Variants in TASP1 observed in about 807,000 individuals in gnomAD.
The protein encoded by TASP1 is taspase 1.
TASP1 carries 16 observed loss-of-function variants against 56.6 expected under a neutral mutation model. The ratio of observed to expected loss-of-function variants is 0.28; its 90% CI spans 0.19 to 0.43. The LOEUF (loss-of-function observed/expected upper bound fraction) is 0.43, where lower values mean the gene tolerates loss of function less well. Among genes scored for constraint, TASP1 ranks in the 20% least tolerant of loss-of-function variants. TASP1 has a pLI of 1.00. For missense variants in TASP1, 393 were observed against 511.6 expected (o/e 0.77, Z 2.24); for synonymous variants, 179 against 184.2 (o/e 0.97, Z 0.23).
intron 7 of TASP1, among the ~76,000 whole-genome samples, chr20:13,561,811 A>G (rs887608429): frequency 2.6e-5 from 4 of 152,184 alleles, no homozygotes; most frequent in Non-Finnish European, 4.4e-5. Context: ...ATTGAAGTTA[A>G]GCTGGTCTAA....
chr20:13,228,801 C>A, the TASP1 span, among the ~76,000 whole-genome samples: 1 of 152,152 alleles, frequency 6.6e-6, no homozygotes, highest in African/African-American at 2.4e-5. Flanking sequence ...ATTTCAAGAT[C>A]TATCTTTCAT....
At chr20:13,360,278 T>C in the TASP1 span, among the ~76,000 whole-genome samples, 1 of 150,180 alleles carries the variant, frequency 6.7e-6, no homozygotes, top group East Asian at 1.9e-4. Context: ...CTGACACCCA[T>C]CAAGCTCAGC....
rs1314235994 is a variant in TASP1, at chr20:13,569,549, C to T, written c.526G>A (p.Asp176Asn). 1 of 1,612,588 alleles carries T rather than the reference C, an allele frequency of 6.2e-7. No homozygotes were observed. The highest frequency in any genetic ancestry group is 1.1e-5 in the South Asian group (1 of 91,012). Reference sequence around the variant, plus strand: ...GGAGGGCAAGAGGGTATTCCATGATCTACTGCCCATCTGTAGGCTCCTTCT... The same window carrying T: ...GGAGGGCAAGAGGGTATTCCATGATTTACTGCCCATCTGTAGGCTCCTTCT... The part of the protein sequence containing the change: ...VGEGAYRWAV[D>N]HGIPSCPPNI... Residue 176 changes from aspartate (D) to asparagine (N), a missense_variant, in exon 7 of 14, where the codon GAT becomes AAT. By Grantham distance (23) the Asp-to-Asn change is conservative (BLOSUM62 1). This residue lies in a region of TASP1 where 293 missense variants were observed against 354.2 expected (regional missense o/e 0.83). Transcript: ENST00000337743.
At chr20:13,315,887 T>C in the TASP1 span, among the ~76,000 whole-genome samples, 1 of 151,980 alleles carries the variant, frequency 6.6e-6, no homozygotes, top group Non-Finnish European at 1.5e-5. Flanking sequence ...AACATACTTC[T>C]AAATAACACA....
chr20:13,221,219 A>ACTCCTCCCCCTC, the TASP1 span, among the ~76,000 whole-genome samples: 1 of 82,726 alleles, frequency 1.2e-5, no homozygotes, highest in Non-Finnish European at 2.6e-5. Context: ...AAGCCCTCCT[A>ACTCCTCCCCCTC]CTCCTCCTCC....
At chr20:13,241,753 A>C in the TASP1 span, among the ~76,000 whole-genome samples, 2 of 152,170 alleles carry the variant, frequency 1.3e-5, no homozygotes, top group Non-Finnish European at 2.9e-5. Flanking sequence ...AACAGTGCTT[A>C]GTATTCATTT....
intron 10 of TASP1, among the ~76,000 whole-genome samples, chr20:13,510,014 T>C (rs986573748): frequency 6.6e-6 from 1 of 152,150 alleles, no homozygotes; most frequent in African/African-American, 2.4e-5. Context: ...GATGAAATAA[T>C]CTGTACACCA....
chr20:13,201,385 T>G, the TASP1 span, among the ~76,000 whole-genome samples: 1 of 151,924 alleles, frequency 6.6e-6, no homozygotes, highest in Non-Finnish European at 1.5e-5. Context: ...TGCTGTTGGA[T>G]AGGCTGTGGA....
the TASP1 span, among the ~76,000 whole-genome samples, chr20:13,306,927 T>C: frequency 6.6e-6 from 1 of 152,106 alleles, no homozygotes; most frequent in East Asian, 1.9e-4. Flanking sequence ...CTGGGGATCC[T>C]AGAGAGTGGA....
intron 12 of TASP1, among the ~76,000 whole-genome samples, chr20:13,424,305 G>C (rs563580267): frequency 1.3e-5 from 2 of 152,212 alleles, no homozygotes; most frequent in South Asian, 4.1e-4. Context: ...CGGTTACATA[G>C]AAAAATTTAA....
intron 1 of TASP1, among the ~76,000 whole-genome samples, chr20:13,631,722 G>A (rs1455859897): frequency 1.3e-5 from 2 of 152,188 alleles, no homozygotes; most frequent in Non-Finnish European, 2.9e-5. Context: ...TTGAATCACT[G>A]TCATCTGAGA....
chr20:13,369,256 G>A, the TASP1 span, among the ~76,000 whole-genome samples: 38 of 152,158 alleles, frequency 2.5e-4, 1 homozygote, highest in African/African-American at 8.9e-4. Context: ...GACCAGCCTG[G>A]CCAACATGGT....
intron 8 of TASP1, among the ~76,000 whole-genome samples, chr20:13,549,328 A>G (rs2045904460): frequency 2.0e-5 from 3 of 152,160 alleles, no homozygotes; most frequent in Admixed American, 1.3e-4. Context: ...AGCTGAACCA[A>G]GGCTTTAAAA....
the TASP1 span, among the ~76,000 whole-genome samples, chr20:13,187,984 G>A: frequency 6.6e-6 from 1 of 152,184 alleles, no homozygotes; most frequent in Non-Finnish European, 1.5e-5. Flanking sequence ...AGGCCACTGA[G>A]GGCTGCTCCC....
In TASP1 at chr20:13,623,647, T is replaced by TA. The variant is rs1322080110; in HGVS notation, c.214-134dup. 3.7e-5 allele frequency: 22 copies of TA among 601,324 alleles called. No homozygotes were observed. In the Middle Eastern group the frequency reaches 1.8e-3, roughly 50 times the overall value. The allele number at this position is 601,324 out of a possible 1,614,324, so 37.2% of individuals were successfully genotyped here. A position where few individuals can be genotyped will look rare whatever the true frequency, so the allele number is the denominator to read the frequency against. On this transcript the variant is annotated intron_variant, in intron 3 of 13. Coordinates refer to ENST00000337743, the MANE Select transcript of TASP1 (RefSeq NM_017714.3). ...TAGTTCCATTCCATACTTTAAGACA[T>TA]AAACTACTCAGATTAAAAACAAGCA...
At chr20:13,347,623 G>C in the TASP1 span, among the ~76,000 whole-genome samples, 1 of 152,196 alleles carries the variant, frequency 6.6e-6, no homozygotes, top group Non-Finnish European at 1.5e-5. Flanking sequence ...TGGATCACTT[G>C]AGGTCAGGAG....
intron 10 of TASP1, among the ~76,000 whole-genome samples, chr20:13,489,216 C>A (rs1271362923): frequency 2.0e-5 from 3 of 152,234 alleles, no homozygotes; most frequent in Admixed American, 2.0e-4. Flanking sequence ...TCCACAAGAA[C>A]GAGGCCACCC....
the TASP1 span, among the ~76,000 whole-genome samples, chr20:13,240,875 C>T: frequency 6.6e-6 from 1 of 152,092 alleles, no homozygotes; most frequent in African/African-American, 2.4e-5. Flanking sequence ...TCCAGTTTCA[C>T]AAGGGTAGAG....
the TASP1 span, among the ~76,000 whole-genome samples, chr20:13,241,368 C>G: frequency 6.6e-6 from 1 of 152,032 alleles, no homozygotes; most frequent in African/African-American, 2.4e-5. Flanking sequence ...ATCAGAGATA[C>G]CAGGGCATCT....
Sources: gnomAD v4.1 joint callset for allele counts (sites outside exome capture counted in the v4.1 genomes callset) on GRCh38, gnomAD v4.1.1 for gene constraint, gnomAD v4.1.1 regional missense constraint, MANE v1.5 for transcripts, NCBI Gene and HGNC (gene_info 2026-07-23, HGNC 2026-07-21) for gene names.